RPTOR: variants seen among roughly 807,000 people sequenced by gnomAD.
RPTOR encodes regulatory associated protein of MTOR complex 1.
In RPTOR, 21 loss-of-function variants were observed where a neutral mutation model predicts 169.9. The ratio of observed to expected loss-of-function variants is 0.12; its 90% confidence interval spans 0.09 to 0.18. RPTOR has a LOEUF of 0.18. Among genes scored for constraint, RPTOR ranks in the 10% least tolerant of loss-of-function variants. The pLI is 1.00. For synonymous variants in RPTOR, 732 were observed against 753.2 expected, an observed-to-expected ratio of 0.97 and a Z score of 0.46; for missense variants, 1,133 against 1,855.9, an observed-to-expected ratio of 0.61 and a Z score of 7.16.
At chr17:80,894,463 A>T (rs1160815628) in intron 20 of RPTOR, among the ~76,000 whole-genome samples, 2 of 152,232 alleles carry the variant, frequency 1.3e-5, no homozygotes, top group African/African-American at 4.8e-5. Flanking sequence ...CTGCCTGGAA[A>T]TGGAAATCTG....
Position 80,708,196 on chromosome 17 carries a change from A to G in RPTOR, c.507+197A>G, listed in dbSNP as rs533287264. 1.0e-3 allele frequency among the ~76,000 whole-genome samples: 153 copies of G among 152,308 alleles called. No individual in the cohort carries two copies. Among genetic ancestry groups the G allele is most frequent in the African/African-American group, 3.6e-3 (150 of 41,566 alleles). On this transcript the variant is annotated intron_variant, in intron 4 of 33. Transcript: ENST00000306801. This position sits in a 1 kb window ranked among gnomAD's most constrained non-coding sequence, Gnocchi z 4.2. ...GCTGTTTCTGTGGCAGAACGTGTTC[A>G]TGGAATGACTGCCTTGAAGTGTGGT...
intron 13 of RPTOR, among the ~76,000 whole-genome samples, chr17:80,875,643 C>T (rs2068098860): frequency 6.6e-6 from 1 of 152,212 alleles, no homozygotes; most frequent in African/African-American, 2.4e-5. Context: ...TGCTGTTCAT[C>T]TGAGCCCCGA....
rs767068994 is a variant in RPTOR at position 80,721,085 on chromosome 17, G to T, written c.508-9475G>T. 6.6e-6 allele frequency among the ~76,000 whole-genome samples: 1 copy of T among 150,964 alleles called. No homozygotes were observed. Among genetic ancestry groups the T allele is most frequent in the Non-Finnish European group, 1.5e-5 (1 of 68,034 alleles). ...GGAGGCACCTAGGAGGTGAGGAGGG[G>T]CTACGTCTGCCGGGTCTCCAAGCAG... is the stretch of plus-strand genomic sequence containing the variant. On this transcript the variant is annotated intron_variant, in intron 4 of 33. Coordinates refer to ENST00000306801, the MANE Select transcript of RPTOR (RefSeq NM_020761.3). The surrounding 1 kb of genome is among the most constrained non-coding windows in gnomAD (Gnocchi z 4.7).
chr17:80,662,842 G>T (rs1424548425), intron 3 of RPTOR, among the ~76,000 whole-genome samples: 1 of 152,108 alleles, frequency 6.6e-6, no homozygotes, highest in African/African-American at 2.4e-5. Flanking sequence ...CCTGAACCAG[G>T]AGGGGACCAG....
At chr17:80,916,677 T>C (rs2068677336) in intron 21 of RPTOR, among the ~76,000 whole-genome samples, 1 of 152,220 alleles carries the variant, frequency 6.6e-6, no homozygotes, top group South Asian at 2.1e-4. Context: ...GATTTACTTA[T>C]AAAATGAAGA....
At chr17:80,800,831 G>C (rs1312392902) in intron 7 of RPTOR, among the ~76,000 whole-genome samples, 1 of 152,200 alleles carries the variant, frequency 6.6e-6, no homozygotes, top group Non-Finnish European at 1.5e-5. Context: ...TTAGTATTCT[G>C]ATCACTGGAG....
chr17:80,565,212 T>G (rs1424466064), intron 1 of RPTOR, among the ~76,000 whole-genome samples: 1 of 152,234 alleles, frequency 6.6e-6, no homozygotes, highest in African/African-American at 2.4e-5. Flanking sequence ...CTACAGTCCT[T>G]ACCCTTGAGA....
rs900511686 is a variant in RPTOR, at chr17:80,861,699, G to T, written c.1509+3799G>T. ...GAAGAGATGCCATCTGCATGCAGAG[G>T]TCTGGGATTACGGCCGCCTGAGCCT... On this transcript the variant is annotated intron_variant, in intron 13 of 33. Transcript: ENST00000306801. This position sits in a 1 kb window ranked among gnomAD's most constrained non-coding sequence, Gnocchi z 4.5. 6.6e-6 allele frequency among the ~76,000 whole-genome samples: 1 copy of T among 152,190 alleles called. No individual in the cohort carries two copies. The highest frequency in any genetic ancestry group is 2.4e-5 in the African/African-American group (1 of 41,448).
chr17:80,667,410 G>T (rs1187158310), intron 3 of RPTOR, among the ~76,000 whole-genome samples: 3 of 152,216 alleles, frequency 2.0e-5, no homozygotes, highest in Non-Finnish European at 4.4e-5. Context: ...TAAGGAACAG[G>T]TGTTTGAGTG....
At chr17:80,940,189 A>C (rs113041981) in intron 24 of RPTOR, among the ~76,000 whole-genome samples, 1 of 38,538 alleles carries the variant, frequency 2.6e-5, no homozygotes, top group Non-Finnish European at 6.6e-5. Context: ...TAAAAAAACA[A>C]ATGTAAATAA....
At chr17:80,832,949 A>C (rs1471879997) in intron 9 of RPTOR, among the ~76,000 whole-genome samples, 1 of 152,186 alleles carries the variant, frequency 6.6e-6, no homozygotes, top group Non-Finnish European at 1.5e-5. Context: ...CTGCATTTAC[A>C]CTTTGCTTCA....
intron 13 of RPTOR, among the ~76,000 whole-genome samples, chr17:80,872,390 C>G (rs564624697): frequency 6.6e-6 from 1 of 152,148 alleles, no homozygotes; most frequent in Non-Finnish European, 1.5e-5. Context: ...GGGAGAACTG[C>G]GGACCAGGAA....
intron 11 of RPTOR, among the ~76,000 whole-genome samples, chr17:80,855,049 A>T (rs945116355): frequency 1.3e-5 from 2 of 152,242 alleles, no homozygotes; most frequent in African/African-American, 4.8e-5. Flanking sequence ...ACCTACTGAT[A>T]TGAACAATGT....
At chr17:80,621,258 A>G (rs1389226491) in intron 1 of RPTOR, among the ~76,000 whole-genome samples, 1 of 152,212 alleles carries the variant, frequency 6.6e-6, no homozygotes, top group African/African-American at 2.4e-5. Context: ...TTGGGCTTCT[A>G]TTAATACTTT....
At chr17:80,872,762 G>A (rs747330752) in intron 13 of RPTOR, among the ~76,000 whole-genome samples, 18 of 152,300 alleles carry the variant, frequency 1.2e-4, no homozygotes, top group Admixed American at 2.0e-4. Flanking sequence ...GTGACGGCTC[G>A]CCCTTTGCAA....
intron 25 of RPTOR, among the ~76,000 whole-genome samples, chr17:80,942,799 C>G (rs1383364200): frequency 6.6e-6 from 1 of 152,262 alleles, no homozygotes; most frequent in Admixed American, 6.5e-5. Context: ...CAGCCTTCTC[C>G]TGGGCAACAT....
At chr17:80,597,665 C>T (rs34588273) in intron 1 of RPTOR, among the ~76,000 whole-genome samples, 13,966 of 133,450 alleles carry the variant, frequency 0.1, 721 homozygotes, top group Middle Eastern at 0.15. Flanking sequence ...CATGTACCTT[C>T]ACACCCAGCT....
At chr17:80,690,043 A>ATT (rs778690585) in intron 3 of RPTOR, among the ~76,000 whole-genome samples, 16 of 152,188 alleles carry the variant, frequency 1.1e-4, no homozygotes, top group East Asian at 1.9e-4. Flanking sequence ...TCATTGAAAC[A>ATT]TTTTCAAACG....
intron 13 of RPTOR, among the ~76,000 whole-genome samples, chr17:80,869,690 G>A (rs1055497146): frequency 6.6e-6 from 1 of 152,162 alleles, no homozygotes; most frequent in Non-Finnish European, 1.5e-5. Context: ...GGACTGTGTC[G>A]CTGTCACGTG....
Sources: allele counts gnomAD v4.1 joint callset (sites outside exome capture counted in the v4.1 genomes callset), GRCh38; gene constraint gnomAD v4.1.1; non-coding constraint Gnocchi (gnomAD v3.1); transcripts MANE v1.5; gene names NCBI Gene and HGNC (gene_info 2026-07-23, HGNC 2026-07-21).